The following TCF4 variants were observed in gnomAD, a reference collection of about 807,000 sequenced individuals.
The protein encoded by TCF4 is SL3-3 enhancer factor 2.
A neutral mutation model predicts 82.1 loss-of-function variants in TCF4; 3 were observed. The ratio of observed to expected loss-of-function variants is 0.04; its 90% CI spans 0.02 to 0.09. The LOEUF is 0.09. TCF4 is among the 10% of genes least tolerant of loss of function. The pLI, the probability that TCF4 is intolerant of heterozygous loss-of-function variation, is 1.00. For missense variants in TCF4, 518 were observed against 852.7 expected, an observed-to-expected ratio of 0.61 and a Z score of 4.89; for synonymous variants, 276 against 309.6, an observed-to-expected ratio of 0.89 and a Z score of 1.14.
rs532291095 is a variant in TCF4, at chr18:55,555,786, T to G, written c.145+29494A>C. On this transcript the variant is annotated intron_variant, in intron 3 of 19. Coordinates refer to ENST00000354452, the MANE Select transcript of TCF4 (RefSeq NM_001083962.2). ...GCATTAGAAAGCAATTACAGCTTAA[T>G]AGCTGTCTAAATCCATTATCGGTGT... Among the ~76,000 whole-genome samples the G allele has an allele frequency of 2.6e-5, 4 of 152,324 alleles. No homozygotes were observed. The South Asian group carries it at 8.3e-4, about 32-fold the overall frequency.
At chr18:55,317,817 TC>T (rs1568960495) in intron 8 of TCF4, among the ~76,000 whole-genome samples, 1 of 152,094 alleles carries the variant, frequency 6.6e-6, no homozygotes, top group Non-Finnish European at 1.5e-5. Flanking sequence ...ATTATTTTAT[TC>T]TTTGGCCTTG....
chr18:55,468,510 G>A (rs1280238577), intron 3 of TCF4, among the ~76,000 whole-genome samples: 1 of 152,172 alleles, frequency 6.6e-6, no homozygotes, highest in Non-Finnish European at 1.5e-5. Context: ...TGTATGGCTG[G>A]CTCAATACGA....
At chr18:55,392,219 C>T (rs1394034570) in intron 6 of TCF4, among the ~76,000 whole-genome samples, 29 of 151,424 alleles carry the variant, frequency 1.9e-4, no homozygotes, top group Admixed American at 1.6e-3. Flanking sequence ...CCCACCTCGG[C>T]CTCCCAAAGT....
At chr18:55,350,243 T>C in intron 8 of TCF4, 116 bp downstream of exon 8, 1 of 1,095,734 alleles carries the variant, frequency 9.1e-7, no homozygotes, top group South Asian at 1.3e-5. Flanking sequence ...TCATCCACCT[T>C]CTAGATAAAC....
intron 3 of TCF4, among the ~76,000 whole-genome samples, chr18:55,498,168 T>C (rs1035735436): frequency 7.2e-5 from 11 of 152,280 alleles, no homozygotes; most frequent in African/African-American, 2.6e-4. Context: ...AAATTACCAA[T>C]GGTTTTCCCT....
chr18:55,624,981 C>CT (rs928742137), intron 2 of TCF4, among the ~76,000 whole-genome samples: 2 of 151,926 alleles, frequency 1.3e-5, no homozygotes, highest in Non-Finnish European at 2.9e-5. Context: ...AAATAGCCGA[C>CT]TTTTTTTTGG....
At chr18:55,615,689 GTCT>G (rs1474807648) in intron 2 of TCF4, among the ~76,000 whole-genome samples, 4 of 152,212 alleles carry the variant, frequency 2.6e-5, no homozygotes, top group South Asian at 4.1e-4. Flanking sequence ...GATTGTGGAA[GTCT>G]TCTTCTATTT....
At chr18:55,257,660 G>C (rs932027995) in intron 13 of TCF4, among the ~76,000 whole-genome samples, 1 of 152,186 alleles carries the variant, frequency 6.6e-6, no homozygotes, top group African/African-American at 2.4e-5. Context: ...ATTTTGGTAA[G>C]AAGGGTTCCT....
At chr18:55,434,290 G>C (rs1284982666) in intron 5 of TCF4, among the ~76,000 whole-genome samples, 1 of 151,970 alleles carries the variant, frequency 6.6e-6, no homozygotes, top group African/African-American at 2.4e-5. Flanking sequence ...CAATCACTAT[G>C]TAGAATTTTT....
At chr18:55,440,421 T>C (rs565876714) in intron 5 of TCF4, among the ~76,000 whole-genome samples, 3 of 152,336 alleles carry the variant, frequency 2.0e-5, no homozygotes, top group Admixed American at 6.5e-5. Context: ...CTGATTTCTT[T>C]TGTATTTCTT....
chr18:55,432,575 G>A (rs2095235616), intron 5 of TCF4, among the ~76,000 whole-genome samples: 2 of 152,156 alleles, frequency 1.3e-5, no homozygotes, highest in South Asian at 4.1e-4. Flanking sequence ...GTCAGTGAGT[G>A]TGGAAACAGG....
At chr18:55,339,669 G>A (rs2079406015) in intron 8 of TCF4, among the ~76,000 whole-genome samples, 1 of 152,056 alleles carries the variant, frequency 6.6e-6, no homozygotes, top group South Asian at 2.1e-4. Flanking sequence ...CCACGCTTCC[G>A]CTCACACCTC....
chr18:55,407,536 A>G (rs979753927), intron 5 of TCF4, among the ~76,000 whole-genome samples: 1 of 151,974 alleles, frequency 6.6e-6, no homozygotes, highest in Non-Finnish European at 1.5e-5. Context: ...GCTAAAGCCT[A>G]TATTTAAATT....
At chr18:55,464,875 A>G (rs2095975257) in intron 3 of TCF4, among the ~76,000 whole-genome samples, 1 of 152,210 alleles carries the variant, frequency 6.6e-6, no homozygotes, top group Admixed American at 6.5e-5. Flanking sequence ...GAAAAGTTGG[A>G]ATTCTAAACT....
At chr18:55,458,972 C>T (rs892897132) in intron 5 of TCF4, among the ~76,000 whole-genome samples, 12 of 152,086 alleles carry the variant, frequency 7.9e-5, no homozygotes, top group African/African-American at 2.4e-4. Flanking sequence ...AAAATCTGCT[C>T]GAGGTGGAAA....
chr18:55,325,390 G>T (rs1319282634), intron 8 of TCF4, among the ~76,000 whole-genome samples: 1 of 152,270 alleles, frequency 6.6e-6, no homozygotes, highest in South Asian at 2.1e-4. Context: ...GTAAAGAGCT[G>T]AACTATCCAC....
intron 3 of TCF4, among the ~76,000 whole-genome samples, chr18:55,580,174 T>C (rs2097563035): frequency 6.6e-6 from 1 of 152,034 alleles, no homozygotes; most frequent in African/African-American, 2.4e-5. Context: ...TGCTTCTGCC[T>C]TCTGAATTTA....
intron 8 of TCF4, among the ~76,000 whole-genome samples, chr18:55,339,181 T>C (rs890443083): frequency 2.0e-5 from 3 of 152,136 alleles, no homozygotes; most frequent in Non-Finnish European, 4.4e-5. Flanking sequence ...ATTAACACTT[T>C]CAGAATGCCA....
chr18:55,235,402 G>T (rs1400515247), intron 15 of TCF4, among the ~76,000 whole-genome samples: 1 of 152,110 alleles, frequency 6.6e-6, no homozygotes, highest in Non-Finnish European at 1.5e-5. Context: ...TCATTGCCAT[G>T]CAAGGAAGGA....
Sources: allele counts gnomAD v4.1 joint callset (sites outside exome capture counted in the v4.1 genomes callset), GRCh38; gene constraint gnomAD v4.1.1; transcripts MANE v1.5; gene names NCBI Gene and HGNC (gene_info 2026-07-23, HGNC 2026-07-21).